The following KIZ variants were observed in gnomAD, a reference collection of about 807,000 sequenced individuals.
KIZ encodes centrosomal protein kizuna.
A neutral mutation model predicts 79.6 loss-of-function variants in KIZ; 68 were observed. The ratio of observed to expected loss-of-function variants is 0.85; its 90% CI spans 0.70 to 1.05. The LOEUF (loss-of-function observed/expected upper bound fraction) is 1.05, where lower values mean the gene tolerates loss of function less well. Ranked by LOEUF, KIZ falls within the 50% of genes least tolerant of loss-of-function variation. The probability of loss-of-function intolerance (pLI) is 0.00; values close to 1 mark genes in which losing one functional copy is unlikely to be tolerated. For synonymous variants in KIZ, 280 were observed against 281.8 expected, an observed-to-expected ratio of 0.99 and a Z score of 0.06; for missense variants, 797 against 800.4, an observed-to-expected ratio of 1.00 and a Z score of 0.05.
chr20:21,217,079 A>G (rs370550383), intron 9 of KIZ, among the ~76,000 whole-genome samples: 50 of 152,368 alleles, frequency 3.3e-4, no homozygotes, highest in African/African-American at 1.2e-3. Flanking sequence ...CCATTGATCC[A>G]TCAATAGTTG....
At chr20:21,220,710 C>T (rs1158357502) in intron 9 of KIZ, among the ~76,000 whole-genome samples, 2 of 152,138 alleles carry the variant, frequency 1.3e-5, no homozygotes, top group Admixed American at 1.3e-4. Context: ...CGCATCCTGG[C>T]CTAAAGATAC....
intron 4 of KIZ, among the ~76,000 whole-genome samples, chr20:21,146,827 A>T (rs1445299586): frequency 6.6e-6 from 1 of 152,144 alleles, no homozygotes; most frequent in East Asian, 1.9e-4. Flanking sequence ...ATAGATTAAA[A>T]AATTAAAAAA....
rs146081985 is a variant in KIZ, at chr20:21,216,555, A to G, written c.1678+907A>G. 3.3e-4 allele frequency among the ~76,000 whole-genome samples: 50 copies of G among 152,340 alleles called. 2 individuals are homozygous for G. The highest frequency in any genetic ancestry group is 1.1e-3 in the African/African-American group (47 of 41,578). ...GTTATTGTATATATTATGCATTCAG[A>G]TAATATTTCACTCTAAAATGCAGAG... On this transcript the variant is annotated intron_variant, in intron 9 of 12. Transcript: ENST00000619189.
chr20:21,200,252 A>G (rs968240548), intron 6 of KIZ, among the ~76,000 whole-genome samples: 3 of 152,096 alleles, frequency 2.0e-5, no homozygotes, highest in Non-Finnish European at 4.4e-5. Flanking sequence ...ACCTGCCCCC[A>G]TAGCATACTC....
intron 4 of KIZ, among the ~76,000 whole-genome samples, chr20:21,147,714 G>C (rs571840375): frequency 1.3e-5 from 2 of 152,310 alleles, no homozygotes; most frequent in African/African-American, 4.8e-5. Flanking sequence ...TTCTTTCTAA[G>C]GCACAGAATA....
intron 2 of KIZ, among the ~76,000 whole-genome samples, chr20:21,132,523 C>T (rs913200718): frequency 2.6e-5 from 4 of 151,898 alleles, no homozygotes; most frequent in Admixed American, 6.6e-5. Context: ...TCAAGTGATC[C>T]CCACGCTTCT....
In KIZ at chr20:21,145,607, G is replaced by A; in HGVS notation, c.358G>A (p.Asp120Asn). 1 of 1,529,748 alleles carries A rather than the reference G, an allele frequency of 6.5e-7. No individual in the cohort carries two copies. Among genetic ancestry groups the A allele is most frequent in the South Asian group, 1.2e-5 (1 of 81,702 alleles). The allele number at this position is 1,529,748 out of a possible 1,614,324, so 94.8% of individuals were successfully genotyped here. ...AATTAAGAAGATGCTATGCTCAAAA[G>A]ATAGCCTGGGACTAAAAGAGGAACT... The part of the protein sequence containing the change: ...TQIKKMLCSK[D>N]SLGLKEELTD... Residue 120 changes from aspartate (D) to asparagine (N), a missense_variant, in exon 4 of 13, where the codon GAT becomes AAT. Coordinates refer to ENST00000619189, the MANE Select transcript of KIZ (RefSeq NM_018474.6).
intron 6 of KIZ, among the ~76,000 whole-genome samples, chr20:21,184,613 G>A (rs1398143827): frequency 6.6e-6 from 1 of 152,202 alleles, no homozygotes; most frequent in Non-Finnish European, 1.5e-5. Context: ...TTTGTTTTAA[G>A]GTGGGATTTG....
At chr20:21,172,063 A>G (rs2034231523) in intron 6 of KIZ, among the ~76,000 whole-genome samples, 1 of 151,822 alleles carries the variant, frequency 6.6e-6, no homozygotes, top group African/African-American at 2.4e-5. Flanking sequence ...TCACCCAGCC[A>G]CTCCTTGCCT....
intron 6 of KIZ, among the ~76,000 whole-genome samples, chr20:21,173,222 T>A (rs879613488): frequency 6.6e-6 from 1 of 152,118 alleles, no homozygotes; most frequent in Non-Finnish European, 1.5e-5. Context: ...TGCTTTGGAC[T>A]GTGGTGGCAG....
At chr20:21,230,592 G>A (rs779454246) in intron 10 of KIZ, among the ~76,000 whole-genome samples, 9 of 152,178 alleles carry the variant, frequency 5.9e-5, no homozygotes, top group East Asian at 5.8e-4. Context: ...AGTCAGTTGC[G>A]GCAAAATTCA....
At chr20:21,161,373 C>T (rs2122676713) in intron 4 of KIZ, among the ~76,000 whole-genome samples, 1 of 152,272 alleles carries the variant, frequency 6.6e-6, no homozygotes, top group South Asian at 2.1e-4. Context: ...GATGGAGTCT[C>T]CAGGCTGGAG....
intron 6 of KIZ, among the ~76,000 whole-genome samples, chr20:21,179,423 T>C (rs181820696): frequency 2.6e-4 from 39 of 152,016 alleles, no homozygotes; most frequent in African/African-American, 9.1e-4. Flanking sequence ...TCAATTGCAG[T>C]GTTTCCTCTT....
intron 6 of KIZ, among the ~76,000 whole-genome samples, chr20:21,199,396 G>A (rs1476278357): frequency 3.3e-5 from 5 of 152,198 alleles, no homozygotes; most frequent in African/African-American, 1.2e-4. Flanking sequence ...TTTAGAGCCA[G>A]ATAAAGAAGT....
intron 9 of KIZ, among the ~76,000 whole-genome samples, chr20:21,228,772 C>G (rs547532173): frequency 1.3e-5 from 2 of 152,298 alleles, no homozygotes; most frequent in East Asian, 1.9e-4. Context: ...CAGACCCACT[C>G]AAAATAATGA....
intron 9 of KIZ, among the ~76,000 whole-genome samples, chr20:21,222,121 G>T (rs999081809): frequency 6.6e-6 from 1 of 152,206 alleles, no homozygotes; most frequent in East Asian, 1.9e-4. Context: ...TGCTACTTGC[G>T]GTAGCAAAAC....
chr20:21,215,003 C>T (rs952483592), intron 8 of KIZ, among the ~76,000 whole-genome samples: 1 of 152,154 alleles, frequency 6.6e-6, no homozygotes, highest in Non-Finnish European at 1.5e-5. Flanking sequence ...TTTGATCCCT[C>T]AAAGATGAAG....
intron 2 of KIZ, among the ~76,000 whole-genome samples, chr20:21,134,242 C>G (rs1320481878): frequency 2.0e-5 from 3 of 152,210 alleles, no homozygotes; most frequent in Non-Finnish European, 4.4e-5. Context: ...CCATCTCTCT[C>G]CAGCCTCTCC....
At chr20:21,143,917 A>T (rs1401655194) in intron 3 of KIZ, among the ~76,000 whole-genome samples, 1 of 152,226 alleles carries the variant, frequency 6.6e-6, no homozygotes, top group Non-Finnish European at 1.5e-5. Context: ...CCATGGTCCC[A>T]GGGGATATAG....
Sources: allele counts gnomAD v4.1 joint callset (sites outside exome capture counted in the v4.1 genomes callset), GRCh38; gene constraint gnomAD v4.1.1; transcripts MANE v1.5; gene names NCBI Gene and HGNC (gene_info 2026-07-23, HGNC 2026-07-21).